Variants in ZNF536 observed in about 807,000 individuals in gnomAD.
ZNF536 encodes zinc finger protein 536.
In ZNF536, 13 loss-of-function variants were observed where a neutral mutation model predicts 84.5. The observed-to-expected ratio is 0.15, with a 90% CI of 0.10 to 0.24. The LOEUF is 0.24. Ranked by LOEUF, ZNF536 falls within the 10% of genes least tolerant of loss-of-function variation. The pLI, the probability that ZNF536 is intolerant of heterozygous loss-of-function variation, is 1.00. For missense variants in ZNF536, 1,536 were observed against 1,747.5 expected, an observed-to-expected ratio of 0.88 and a Z score of 2.16; for synonymous variants, 811 against 742.5, an observed-to-expected ratio of 1.09 and a Z score of -1.50.
At chr19:30,640,091 A>G (rs888172020) in intron 1 of ZNF536, among the ~76,000 whole-genome samples, 3 of 152,142 alleles carry the variant, frequency 2.0e-5, no homozygotes, top group African/African-American at 4.8e-5. Context: ...ACCAAAAAAT[A>G]CAAAAATTAG....
intron 1 of ZNF536, among the ~76,000 whole-genome samples, chr19:30,563,627 G>A (rs182948852): frequency 6.6e-6 from 1 of 152,316 alleles, no homozygotes; most frequent in Admixed American, 6.5e-5. Context: ...AATTTGCACA[G>A]GTTAAACACC....
At chr19:30,256,390 C>T (rs2024919120) in intron 1 of ZNF536, among the ~76,000 whole-genome samples, 1 of 152,184 alleles carries the variant, frequency 6.6e-6, no homozygotes, top group South Asian at 2.1e-4. Flanking sequence ...ACATTTTTTA[C>T]GAGCCCGGTT....
chr19:30,610,734 C>T (rs2147041728), intron 1 of ZNF536, among the ~76,000 whole-genome samples: 1 of 152,202 alleles, frequency 6.6e-6, no homozygotes, highest in Admixed American at 6.5e-5. Flanking sequence ...GCCCTGTCAC[C>T]CGACTGTCAT....
chr19:30,409,947 T>C (rs929218237), intron 1 of ZNF536, among the ~76,000 whole-genome samples: 1 of 152,202 alleles, frequency 6.6e-6, no homozygotes, highest in Non-Finnish European at 1.5e-5. Context: ...TTCTGTCTGG[T>C]TTCCTTTTGG....
At chr19:30,476,099 C>T (rs1218604201) in intron 2 of ZNF536, among the ~76,000 whole-genome samples, 1 of 152,184 alleles carries the variant, frequency 6.6e-6, no homozygotes, top group Non-Finnish European at 1.5e-5. Flanking sequence ...GGTTTTCCCA[C>T]GTGTTAGTAA....
chr19:30,290,342 A>T (rs1366444451), intron 2 of ZNF536, among the ~76,000 whole-genome samples: 1 of 152,154 alleles, frequency 6.6e-6, no homozygotes, highest in African/African-American at 2.4e-5. Context: ...CAGTGGCATG[A>T]TCATAGCTCA....
intron 3 of ZNF536, among the ~76,000 whole-genome samples, chr19:30,538,162 G>A (rs1026329934): frequency 6.6e-6 from 1 of 152,180 alleles, no homozygotes; most frequent in African/African-American, 2.4e-5. Flanking sequence ...TGGCCCTGGT[G>A]TCTCTCCTTG....
intron 2 of ZNF536, among the ~76,000 whole-genome samples, chr19:30,528,907 C>G: frequency 7.0e-6 from 1 of 143,600 alleles, no homozygotes; most frequent in South Asian, 2.3e-4. Flanking sequence ...GTGGGGTCAG[C>G]GGGGAGAATG....
chr19:30,679,786 A>G (rs1338907775), intron 1 of ZNF536, among the ~76,000 whole-genome samples: 1 of 152,128 alleles, frequency 6.6e-6, no homozygotes, highest in Admixed American at 6.5e-5. Flanking sequence ...TCACATAAAA[A>G]CCTGTTTCTG....
intron 3 of ZNF536, among the ~76,000 whole-genome samples, chr19:30,354,690 C>G (rs2146771402): frequency 6.6e-6 from 1 of 152,278 alleles, no homozygotes; most frequent in Non-Finnish European, 1.5e-5. Flanking sequence ...GTCACATGAA[C>G]TGGAAGGAGG....
chr19:30,500,186 C>T (rs910824121), intron 2 of ZNF536, among the ~76,000 whole-genome samples: 4 of 152,182 alleles, frequency 2.6e-5, no homozygotes, highest in Non-Finnish European at 5.9e-5. Flanking sequence ...GCTTCTAATC[C>T]CAGGGTACCC....
In ZNF536 at chr19:30,548,917, G is replaced by T; in HGVS notation, c.3298G>T (p.Val1100Leu). The T allele has an allele frequency of 6.2e-7, 1 of 1,614,130 alleles. No homozygotes were observed. The highest frequency in any genetic ancestry group is 8.5e-7 in the Non-Finnish European group (1 of 1,180,032). The change falls in exon 4 of 5, where the codon GTG (valine) becomes TTG (leucine). Residue 1100 changes from valine to leucine, a missense_variant. This residue lies in a region of ZNF536 where 624 missense variants were observed against 603.1 expected (regional missense o/e 1.03). Coordinates refer to ENST00000355537, the MANE Select transcript of ZNF536 (RefSeq NM_014717.3). ...GAAGAGCGGTGCATGGACCGGCCACGTGGACCCTGCATTTTGTAACTTCCC... is the reference window on the plus strand; with the variant it reads ...GAAGAGCGGTGCATGGACCGGCCACTTGGACCCTGCATTTTGTAACTTCCC... ...EQKSGAWTGHVDPAFCNFPSD... is the reference protein window; with the variant it reads ...EQKSGAWTGHLDPAFCNFPSD...
In ZNF536 at chr19:30,415,943, G is replaced by T. The variant is rs1031728708; in HGVS notation, c.-2-27618G>T. On this transcript the variant is annotated intron_variant, in intron 1 of 4. Coordinates refer to ENST00000355537, the MANE Select transcript of ZNF536 (RefSeq NM_014717.3). ...TCATTTTTCAATCCTTAGCTCGCTTGTTCTTTCTGGAACTTCTACTTGATG... is the reference window on the plus strand; with the variant it reads ...TCATTTTTCAATCCTTAGCTCGCTTTTTCTTTCTGGAACTTCTACTTGATG... Among the ~76,000 whole-genome samples the T allele has an allele frequency of 4.6e-5, 7 of 152,258 alleles. No individual in the cohort carries two copies. The East Asian group carries it at 1.2e-3, about 25-fold the overall frequency.
rs149713626 is a variant in ZNF536, at chr19:30,326,309, C to T, written c.-119-26059C>T. ...CTGGGATCCTTGGGAGTCTGCCCCA[C>T]GGGGCGAAGAGGGGAACAGTGGGCT... On this transcript the variant is annotated intron_variant, in intron 2 of 5. Transcript: ENST00000585628. Among the ~76,000 whole-genome samples, 1,196 of 152,290 alleles carry T rather than the reference C, an allele frequency of 7.9e-3. 3 individuals are homozygous for T. The highest frequency in any genetic ancestry group is 8.6e-3 in the Non-Finnish European group (585 of 68,030).
chr19:30,335,105 G>A (rs546127804), intron 2 of ZNF536, among the ~76,000 whole-genome samples: 2 of 152,302 alleles, frequency 1.3e-5, no homozygotes, highest in Admixed American at 6.5e-5. Flanking sequence ...GAACAGGGAT[G>A]GGGACACAGA....
At chr19:30,395,630 T>C (rs2049784291) in intron 1 of ZNF536, among the ~76,000 whole-genome samples, 1 of 152,192 alleles carries the variant, frequency 6.6e-6, no homozygotes, top group South Asian at 2.1e-4. Flanking sequence ...AAGCTTTGCT[T>C]CTGCCATGTT....
At chr19:30,657,931 T>C (rs1162266843) in intron 1 of ZNF536, among the ~76,000 whole-genome samples, 1 of 152,128 alleles carries the variant, frequency 6.6e-6, no homozygotes, top group Admixed American at 6.5e-5. Flanking sequence ...ACCCAAACGT[T>C]TTTACACGCT....
At chr19:30,243,888 A>G (rs1201345463) in intron 1 of ZNF536, among the ~76,000 whole-genome samples, 2 of 152,268 alleles carry the variant, frequency 1.3e-5, no homozygotes, top group Non-Finnish European at 2.9e-5. Flanking sequence ...GTCTTGGGGA[A>G]CAATGAAAAA....
intron 1 of ZNF536, among the ~76,000 whole-genome samples, chr19:30,698,633 G>A (rs1166574626): frequency 1.3e-5 from 2 of 152,154 alleles, no homozygotes; most frequent in African/African-American, 4.8e-5. Context: ...CTCATGTGTA[G>A]ACTGGGGTTA....
Sources: allele counts gnomAD v4.1 joint callset (sites outside exome capture counted in the v4.1 genomes callset), GRCh38; gene constraint gnomAD v4.1.1; regional missense constraint gnomAD v4.1.1; transcripts MANE v1.5; gene names NCBI Gene and HGNC (gene_info 2026-07-23, HGNC 2026-07-21).